The following KALRN variants were observed in gnomAD, a reference collection of about 807,000 sequenced individuals.
The protein encoded by KALRN is kalirin RhoGEF kinase.
In KALRN, 70 loss-of-function variants were observed where a neutral mutation model predicts 353.7. The ratio of observed to expected loss-of-function variants is 0.20; its 90% CI spans 0.16 to 0.24. The LOEUF (loss-of-function observed/expected upper bound fraction) is 0.24. Among genes scored for constraint, KALRN ranks in the 10% least tolerant of loss-of-function variants. KALRN has a pLI of 1.00. For synonymous variants in KALRN, 1,391 were observed against 1,434.8 expected (o/e 0.97, Z 0.69); for missense variants, 2,791 against 3,756.7 (o/e 0.74, Z 6.72).
chr3:124,348,659 G>A (rs1488078732), intron 10 of KALRN, among the ~76,000 whole-genome samples: 1 of 152,144 alleles, frequency 6.6e-6, no homozygotes, highest in African/African-American at 2.4e-5. Context: ...AAAAATAGAA[G>A]TACCATAGAT....
intron 10 of KALRN, among the ~76,000 whole-genome samples, chr3:124,371,409 A>G (rs990012458): frequency 3.9e-5 from 6 of 152,192 alleles, no homozygotes; most frequent in African/African-American, 1.4e-4. Flanking sequence ...GTGAAGACAT[A>G]TCTTCAACAT....
chr3:124,360,844 C>T (rs557564873), intron 10 of KALRN, among the ~76,000 whole-genome samples: 23 of 152,220 alleles, frequency 1.5e-4, no homozygotes, highest in East Asian at 1.2e-3. Context: ...CATTTGTCTA[C>T]GCTGAAAGAA....
intron 1 of KALRN, among the ~76,000 whole-genome samples, chr3:124,146,758 T>C (rs2067386891): frequency 6.7e-6 from 1 of 150,058 alleles, no homozygotes; most frequent in Admixed American, 6.7e-5. Flanking sequence ...ATGCCTGTAA[T>C]CCTAGCTACT....
chr3:124,641,727 G>A (rs2082057617), intron 37 of KALRN, among the ~76,000 whole-genome samples: 3 of 152,224 alleles, frequency 2.0e-5, no homozygotes, highest in Non-Finnish European at 4.4e-5. Context: ...TGAAGGACAG[G>A]GAAAGGGAAC....
intron 1 of KALRN, among the ~76,000 whole-genome samples, chr3:124,066,536 G>A (rs1260882368): frequency 6.6e-6 from 1 of 152,126 alleles, no homozygotes; most frequent in Non-Finnish European, 1.5e-5. Context: ...TGAGGGAAGC[G>A]AGTGGTTACC....
rs1456266446 is a variant in KALRN at position 124,446,163 on chromosome 3, A to G, written c.3316A>G (p.Ile1106Val). The G allele has an allele frequency of 1.9e-6, 3 of 1,612,516 alleles. No homozygotes were observed. Among genetic ancestry groups the G allele is most frequent in the Non-Finnish European group, 2.5e-6 (3 of 1,178,766 alleles). Reference protein sequence around the residue: ...TRGPEQQVKAILSELLQRENR... With the variant: ...TRGPEQQVKAVLSELLQRENR... Reference sequence around the variant, plus strand: ...TCATGCATCTCCTCTGCCCACAGCCATCCTGAGTGAGCTCCTGCAGAGGGA... The same window carrying G: ...TCATGCATCTCCTCTGCCCACAGCCGTCCTGAGTGAGCTCCTGCAGAGGGA... The change falls in exon 20 of 60, where the codon ATC becomes GTC. Residue 1106 changes from isoleucine to valine, a missense_variant and splice_region_variant. Ile to Val is a conservative substitution (Grantham distance 29). Coordinates refer to ENST00000682506, the MANE Select transcript of KALRN (RefSeq NM_001388419.1).
At chr3:124,501,352 CAG>C (rs2064508469) in intron 33 of KALRN, among the ~76,000 whole-genome samples, 2 of 152,162 alleles carry the variant, frequency 1.3e-5, no homozygotes, top group African/African-American at 2.4e-5. Context: ...CAAAGAAGAA[CAG>C]GGAAATACCT....
chr3:124,537,531 C>T (rs2068632191), intron 33 of KALRN, among the ~76,000 whole-genome samples: 1 of 152,000 alleles, frequency 6.6e-6, no homozygotes, highest in Admixed American at 6.6e-5. Context: ...CTTATGGAGG[C>T]GATTCGTGAA....
At chr3:124,113,808 G>A (rs2063213795) in intron 1 of KALRN, among the ~76,000 whole-genome samples, 1 of 152,214 alleles carries the variant, frequency 6.6e-6, no homozygotes, top group African/African-American at 2.4e-5. Flanking sequence ...GAGTGGCCCA[G>A]CCCAGAATAA....
At position 124,256,810 on chromosome 3, in the gene KALRN, C is replaced by A. The variant is rs549082896; in HGVS notation, c.264-7688C>A. The stretch of plus-strand genomic sequence containing the variant: ...GAAGTTTGAGATGTGGCTGCCAGGT[C>A]AGGTGTACGACAAGAAGCAGAAACC... On this transcript the variant is annotated intron_variant, in intron 3 of 59. Transcript: ENST00000682506. Among the ~76,000 whole-genome samples, 26 of 152,280 alleles carry A rather than the reference C, an allele frequency of 1.7e-4. No homozygotes were observed. In the South Asian group the frequency reaches 5.2e-3, roughly 30 times the overall value.
At chr3:124,361,842 G>A (rs1295894360) in intron 10 of KALRN, among the ~76,000 whole-genome samples, 1 of 149,346 alleles carries the variant, frequency 6.7e-6, no homozygotes, top group Non-Finnish European at 1.5e-5. Flanking sequence ...GCAGCAGTGG[G>A]GGTGGGGAGT....
At chr3:124,556,471 T>C (rs866073575) in intron 33 of KALRN, among the ~76,000 whole-genome samples, 17 of 152,326 alleles carry the variant, frequency 1.1e-4, no homozygotes, top group South Asian at 2.1e-4. Flanking sequence ...ACCTAGTTTC[T>C]GGAGAAGCCT....
intron 3 of KALRN, among the ~76,000 whole-genome samples, chr3:124,241,585 AT>A (rs2080450318): frequency 6.6e-6 from 1 of 152,260 alleles, no homozygotes; most frequent in Non-Finnish European, 1.5e-5. Flanking sequence ...TTTATTAATT[AT>A]TGGTATTAAG....
intron 34 of KALRN, among the ~76,000 whole-genome samples, chr3:124,598,612 CCT>C (rs371761577): frequency 3.7e-4 from 57 of 152,230 alleles, no homozygotes; most frequent in East Asian, 1.4e-3. Flanking sequence ...CTCATTACCC[CCT>C]CTGTCTCATT....
chr3:124,479,574 C>T (rs1021261279), intron 27 of KALRN, among the ~76,000 whole-genome samples: 1 of 152,142 alleles, frequency 6.6e-6, no homozygotes, highest in African/African-American at 2.4e-5. Context: ...CTAAGTTCTA[C>T]ACTTAGGAAC....
intron 17 of KALRN, among the ~76,000 whole-genome samples, chr3:124,435,520 A>T (rs958849497): frequency 1.3e-5 from 2 of 152,242 alleles, no homozygotes; most frequent in Non-Finnish European, 2.9e-5. Flanking sequence ...TACTCAGTGT[A>T]TAGTAGTTTC....
Position 124,586,904 on chromosome 3 carries a change from G to A in KALRN, c.5182+23815G>A, listed in dbSNP as rs549022435. ...TGGCTAGGCTGGGGGTCGTGTCTGA[G>A]GTGTTGGGCATGCCCTGAGGCTCCC... On this transcript the variant is annotated intron_variant, in intron 34 of 59. Coordinates refer to ENST00000682506, the MANE Select transcript of KALRN (RefSeq NM_001388419.1). 5.9e-5 allele frequency among the ~76,000 whole-genome samples: 9 copies of A among 152,296 alleles called. No homozygotes were observed. The East Asian group carries it at 1.4e-3, about 23-fold the overall frequency.
rs2149403077 is a variant in KALRN at position 124,326,105 on chromosome 3, T to C, written c.1218T>C (p.Ala406=). ...TGGACCAGGAGTGGAAGAGCTTCGC[T>C]GCTGCCCTGGATGAACGCAGCACCA... The part of the protein sequence containing the change: ...TQLDQEWKSF[A]AALDERSTIL... The change falls in exon 7 of 60, where the codon GCT becomes GCC. Residue 406 remains alanine (A), a synonymous_variant. Coordinates refer to ENST00000682506, the MANE Select transcript of KALRN (RefSeq NM_001388419.1). 2 of 1,613,918 alleles carry C rather than the reference T, an allele frequency of 1.2e-6. No homozygotes were observed. The highest frequency in any genetic ancestry group is 2.2e-5 in the East Asian group (1 of 44,868).
At chr3:124,631,920 C>T (rs2080830401) in intron 34 of KALRN, among the ~76,000 whole-genome samples, 1 of 152,352 alleles carries the variant, frequency 6.6e-6, no homozygotes, top group African/African-American at 2.4e-5. Context: ...TGTGTTTGCT[C>T]TTCCGCCCAG....
Sources: allele counts gnomAD v4.1 joint callset (sites outside exome capture counted in the v4.1 genomes callset), GRCh38; gene constraint gnomAD v4.1.1; transcripts MANE v1.5; gene names NCBI Gene and HGNC (gene_info 2026-07-23, HGNC 2026-07-21).